Variants in PCDHGA2 observed in about 807,000 individuals in gnomAD.
PCDHGA2 encodes protocadherin gamma-A2.
A neutral mutation model predicts 59.2 loss-of-function variants in PCDHGA2; 40 were observed. The observed-to-expected ratio is 0.68, with a 90% CI of 0.52 to 0.88. The LOEUF (loss-of-function observed/expected upper bound fraction) is 0.88, where lower values mean the gene tolerates loss of function less well. Among genes scored for constraint, PCDHGA2 ranks in the 40% least tolerant of loss-of-function variants. The probability of loss-of-function intolerance (pLI) is 0.00; values close to 1 mark genes in which losing one functional copy is unlikely to be tolerated. For synonymous variants in PCDHGA2, 560 were observed against 526.0 expected (o/e 1.06, Z -0.89); for missense variants, 1,226 against 1,204.0 (o/e 1.02, Z -0.27).
rs1026815375 is a variant in PCDHGA2, at chr5:141,481,045, G to A, written c.2425-13762G>A. 4.6e-5 allele frequency among the ~76,000 whole-genome samples: 7 copies of A among 152,024 alleles called. No individual in the cohort carries two copies. In the South Asian group the frequency reaches 8.3e-4, roughly 18 times the overall value. ...TGCACTCCAGCCTGGGCGACAGAGCGAGACTCCACCTCAAAAACAAAAAGA... is the reference window on the plus strand; with the variant it reads ...TGCACTCCAGCCTGGGCGACAGAGCAAGACTCCACCTCAAAAACAAAAAGA... On this transcript the variant is annotated intron_variant, in intron 1 of 3. Coordinates refer to ENST00000394576, the MANE Select transcript of PCDHGA2 (RefSeq NM_018915.4).
At chr5:141,365,693 G>T in intron 1 of PCDHGA2, 1 of 1,613,362 alleles carries the variant, frequency 6.2e-7, no homozygotes, top group Non-Finnish European at 8.5e-7. Flanking sequence ...TTTCCCTCAA[G>T]CCTCCTACTC....
rs778244253 is a variant in PCDHGA2 at position 141,376,253 on chromosome 5, C to G, written c.2424+34858C>G. 3 of 1,614,104 alleles carry G rather than the reference C, an allele frequency of 1.9e-6. No individual in the cohort carries two copies. The African/African-American group carries it at 4.0e-5, about 22-fold the overall frequency. ...ACTGCAGCGCTGGCACAAGTCACGC[C>G]TGCTGCAGGCTTCGGGAGGTGGCTT... On this transcript the variant is annotated intron_variant, in intron 1 of 3. Transcript: ENST00000394576.
chr5:141,361,931 G>A, intron 1 of PCDHGA2: 3 of 1,606,902 alleles, frequency 1.9e-6, no homozygotes, highest in Non-Finnish European at 2.5e-6. Context: ...GCAGACTCAG[G>A]ACACAACGCT....
intron 1 of PCDHGA2, chr5:141,390,167 G>A: frequency 6.2e-7 from 1 of 1,614,028 alleles, no homozygotes; most frequent in Non-Finnish European, 8.5e-7. Context: ...GAAAGACGGA[G>A]TTTAATTTCC....
chr5:141,394,361 G>T (rs2092984834), intron 1 of PCDHGA2: 2 of 1,614,190 alleles, frequency 1.2e-6, no homozygotes, highest in Non-Finnish European at 1.7e-6. Context: ...TCCTGTATGC[G>T]CTGCAATCTT....
rs936750924 is a variant in PCDHGA2, at chr5:141,418,950, T to A, written c.2425-75857T>A. On this transcript the variant is annotated intron_variant, in intron 1 of 3. Transcript: ENST00000394576. ...ATTATGGAGGATTCCCCTCCAGGAG[T>A]GGTTGTTGCCCTCTTCAAAACACGG... 23 of 1,613,742 alleles carry A rather than the reference T, an allele frequency of 1.4e-5. No individual in the cohort carries two copies. Among genetic ancestry groups the A allele is most frequent in the Non-Finnish European group, 1.9e-5 (23 of 1,179,860 alleles).
In PCDHGA2 at chr5:141,362,122, A is replaced by G. The variant is rs772713796; in HGVS notation, c.2424+20727A>G. On this transcript the variant is annotated intron_variant, in intron 1 of 3. Transcript: ENST00000394576. Reference sequence around the variant, plus strand: ...CTCCGCTACGGCCACGCTGCACCTAATCTTCGCGGATAGCCTGCAAGAGGT... The same window carrying G: ...CTCCGCTACGGCCACGCTGCACCTAGTCTTCGCGGATAGCCTGCAAGAGGT... 5 of 1,613,798 alleles carry G rather than the reference A, an allele frequency of 3.1e-6. No individual in the cohort carries two copies. The South Asian group carries it at 3.3e-5, about 11-fold the overall frequency.
chr5:141,369,901 T>G (rs1766552570), intron 1 of PCDHGA2, among the ~76,000 whole-genome samples: 1 of 152,190 alleles, frequency 6.6e-6, no homozygotes, highest in Admixed American at 6.5e-5. Context: ...TTATGACCAT[T>G]TTATGAAAAT....
At chr5:141,442,472 C>A (rs1032989256) in intron 1 of PCDHGA2, 4 of 152,204 alleles carry the variant, frequency 2.6e-5, no homozygotes, top group African/African-American at 9.7e-5. Flanking sequence ...GCAGAAAGCC[C>A]CTTGGGGAAG....
chr5:141,433,255 A>G (rs2097579829), intron 1 of PCDHGA2: 2 of 1,401,470 alleles, frequency 1.4e-6, no homozygotes, highest in South Asian at 1.4e-5. Context: ...ATGCAGCGGT[A>G]CGATCATAGC....
Position 141,356,228 on chromosome 5 carries a change from A to G in PCDHGA2, c.2424+14833A>G, listed in dbSNP as rs767896442. ...GTGACAGTTCTGGATGAAAATGACA[A>G]CGCACCAGAAGTCACAGTTACATCT... On this transcript the variant is annotated intron_variant, in intron 1 of 3. Coordinates refer to ENST00000394576, the MANE Select transcript of PCDHGA2 (RefSeq NM_018915.4). 11 of 1,593,694 alleles carry G rather than the reference A, an allele frequency of 6.9e-6. No homozygotes were observed. The highest frequency in any genetic ancestry group is 1.8e-5 in the Admixed American group (1 of 56,356).
chr5:141,478,903 C>T lies in PCDHGA2; in HGVS notation c.2425-15904C>T. On this transcript the variant is annotated intron_variant, in intron 1 of 3. Transcript: ENST00000394576. Reference sequence around the variant, plus strand: ...TGGTATCATTTACATTAGGAATAAGCTGCTGGATACCTCTAACCAGTGGCA... The same window carrying T: ...TGGTATCATTTACATTAGGAATAAGTTGCTGGATACCTCTAACCAGTGGCA... 4.2e-6 allele frequency: 4 copies of T among 957,824 alleles called. No homozygotes were observed. The South Asian group carries it at 7.3e-5, about 18-fold the overall frequency. 59.3% of individuals were successfully genotyped at this position (957,824 alleles called of 1,614,324 possible). A position where few individuals can be genotyped will look rare whatever the true frequency, so the allele number is the denominator to read the frequency against.
At chr5:141,434,453 T>C (rs1172243323) in intron 1 of PCDHGA2, among the ~76,000 whole-genome samples, 1 of 152,226 alleles carries the variant, frequency 6.6e-6, no homozygotes, top group Non-Finnish European at 1.5e-5. Context: ...TGGAAGGTAG[T>C]GGGTTTACCG....
At chr5:141,361,861 G>C (rs1429521367) in intron 1 of PCDHGA2, 1 of 1,611,994 alleles carries the variant, frequency 6.2e-7, no homozygotes, top group Non-Finnish European at 8.5e-7. Context: ...CGCCCTCTTC[G>C]ATATGGTGCC....
chr5:141,443,826 G>C (rs955306823), intron 1 of PCDHGA2, among the ~76,000 whole-genome samples: 1 of 151,978 alleles, frequency 6.6e-6, no homozygotes, highest in African/African-American at 2.4e-5. Flanking sequence ...AACATAATTA[G>C]GTAAAATGGG....
chr5:141,398,783 A>G (rs1300541880), intron 1 of PCDHGA2: 4 of 1,613,944 alleles, frequency 2.5e-6, no homozygotes, highest in Non-Finnish European at 3.4e-6. Flanking sequence ...GACGGTGGAC[A>G]TCCACCCCTA....
At chr5:141,409,741 G>A in intron 1 of PCDHGA2, 2 of 1,613,122 alleles carry the variant, frequency 1.2e-6, no homozygotes, top group Non-Finnish European at 1.7e-6. Context: ...AGAGCGGGGT[G>A]GTGTTCGCGC....
rs372827164 is a variant in PCDHGA2, at chr5:141,394,334, C to T, written c.2424+52939C>T. On this transcript the variant is annotated intron_variant, in intron 1 of 3. Coordinates refer to ENST00000394576, the MANE Select transcript of PCDHGA2 (RefSeq NM_018915.4). The stretch of plus-strand genomic sequence containing the variant: ...CGCCCCTGTCCTCGTATATCTCCAT[C>T]AACTCTGACACCGGTGTCCTGTATG... The T allele has an allele frequency of 1.2e-3, 1,991 of 1,614,118 alleles. 3 individuals carry two copies. The highest frequency in any genetic ancestry group is 1.6e-3 in the Non-Finnish European group (1,898 of 1,179,978).
At position 141,481,468 on chromosome 5, in the gene PCDHGA2, G is replaced by A. The variant is rs575259839; in HGVS notation, c.2425-13339G>A. Among the ~76,000 whole-genome samples the A allele has an allele frequency of 2.6e-5, 4 of 152,332 alleles. No homozygotes were observed. In the South Asian group the frequency reaches 8.3e-4, roughly 32 times the overall value. On this transcript the variant is annotated intron_variant, in intron 1 of 3. Transcript: ENST00000394576. Reference sequence around the variant, plus strand: ...CATGTAAATACACTGAAAACCATTGGATTATACACTTTAAATATGTGATTT... The same window carrying A: ...CATGTAAATACACTGAAAACCATTGAATTATACACTTTAAATATGTGATTT...
Sources: gnomAD v4.1 joint callset for allele counts (sites outside exome capture counted in the v4.1 genomes callset) on GRCh38, gnomAD v4.1.1 for gene constraint, MANE v1.5 for transcripts, NCBI Gene and HGNC (gene_info 2026-07-23, HGNC 2026-07-21) for gene names.